ZFP1: variants seen among roughly 807,000 people sequenced by gnomAD.
ZFP1 encodes ZFP1 zinc finger protein, also known as zinc finger protein 1 homolog.
Under a neutral mutation model 38.5 loss-of-function variants are expected in ZFP1, and 32 were observed. That is an observed-to-expected ratio of 0.83 (90% CI 0.63 to 1.12). The LOEUF is 1.12. ZFP1 is among the 50% of genes most tolerant of loss of function. The pLI is 0.00. For synonymous variants in ZFP1, 245 were observed against 168.8 expected, an observed-to-expected ratio of 1.45 and a Z score of -3.50; for missense variants, 616 against 480.8, an observed-to-expected ratio of 1.28 and a Z score of -2.63.
intron 1 of ZFP1, among the ~76,000 whole-genome samples, chr16:75,149,776 A>G (rs894864251): frequency 2.0e-5 from 3 of 147,608 alleles, no homozygotes; most frequent in African/African-American, 7.5e-5. Flanking sequence ...TAACTACATC[A>G]CTCAAATTTT....
intron 1 of ZFP1, among the ~76,000 whole-genome samples, chr16:75,150,110 C>G (rs751966741): frequency 3.3e-5 from 5 of 151,788 alleles, no homozygotes; most frequent in Non-Finnish European, 7.4e-5. Context: ...CATTACCATT[C>G]AATTCAAATT....
rs2038412012 is a variant in ZFP1 at position 75,171,221 on chromosome 16, T to G, written c.*887T>G. On this transcript the variant is annotated 3_prime_UTR_variant, in exon 4 of 4. Coordinates refer to ENST00000570010, the MANE Select transcript of ZFP1 (RefSeq NM_153688.4). Reference sequence around the variant, plus strand: ...AACACAGACAGAAACCACCTGTTTTTGTCTTTCCTTGTTTCCCTTAATATT... The same window carrying G: ...AACACAGACAGAAACCACCTGTTTTGGTCTTTCCTTGTTTCCCTTAATATT... 1 of 152,260 alleles carries G rather than the reference T, an allele frequency of 6.6e-6. No individual in the cohort carries two copies. Among genetic ancestry groups the G allele is most frequent in the Non-Finnish European group, 1.5e-5 (1 of 68,040 alleles). The allele number at this position is 152,260 out of a possible 1,614,324, so 9.4% of individuals were successfully genotyped here. A position where few individuals can be genotyped will look rare whatever the true frequency, so the allele number is the denominator to read the frequency against.
At chr16:75,160,640 C>T (rs896577396) in intron 2 of ZFP1, among the ~76,000 whole-genome samples, 12 of 108,376 alleles carry the variant, frequency 1.1e-4, no homozygotes, top group African/African-American at 3.7e-4. Context: ...ATCTGGGTGA[C>T]AAAGCGAGAC....
chr16:75,168,940 G>A (rs142770746), intron 3 of ZFP1, among the ~76,000 whole-genome samples: 28 of 152,126 alleles, frequency 1.8e-4, no homozygotes, highest in African/African-American at 6.8e-4. Flanking sequence ...CCCTGGCATT[G>A]CCAGCCTTCT....
upstream of ZFP1, among the ~76,000 whole-genome samples, chr16:75,146,902 T>C (rs1232778996): frequency 1.6e-5 from 2 of 128,010 alleles, no homozygotes; most frequent in Non-Finnish European, 3.1e-5. Context: ...ATCGCACCAC[T>C]GCACTCCAAC....
chr16:75,166,247 T>G (rs1310145903), intron 2 of ZFP1, among the ~76,000 whole-genome samples: 2 of 152,212 alleles, frequency 1.3e-5, no homozygotes, highest in Admixed American at 1.3e-4. Context: ...ACAGTGTTTA[T>G]TTTTTGAGAC....
In ZFP1 at chr16:75,170,233, A is replaced by C; in HGVS notation, c.1123A>C (p.Thr375Pro). 6.2e-7 allele frequency: 1 copy of C among 1,614,198 alleles called. No homozygotes were observed. The highest frequency in any genetic ancestry group is 8.5e-7 in the Non-Finnish European group (1 of 1,180,020). ...TCTTAGATTACACTTGCGAATCCACACAGGAGAGAAACCATATGAGTGTTC... is the reference window on the plus strand; with the variant it reads ...TCTTAGATTACACTTGCGAATCCACCCAGGAGAGAAACCATATGAGTGTTC... Reference protein sequence around the residue: ...STLRLHLRIHTGEKPYECSEC... With the variant: ...STLRLHLRIHPGEKPYECSEC... The change falls in exon 4 of 4, where the codon ACA becomes CCA. Residue 375 changes from threonine to proline, a missense_variant. Physicochemically the swap from Thr to Pro is conservative, Grantham distance 38. Transcript: ENST00000570010.
At chr16:75,131,531 A>C in the ZFP1 span, among the ~76,000 whole-genome samples, 6 of 151,954 alleles carry the variant, frequency 3.9e-5, no homozygotes, top group African/African-American at 1.5e-4. Flanking sequence ...CTTCCCATCA[A>C]ATCGGGAGTG....
upstream of ZFP1, among the ~76,000 whole-genome samples, chr16:75,146,748 G>C (rs1208026210): frequency 6.6e-6 from 1 of 152,014 alleles, no homozygotes; most frequent in South Asian, 2.1e-4. Context: ...AGACGAGCCT[G>C]GGCAACATGG....
At chr16:75,161,875 C>G (rs2037808815) in intron 2 of ZFP1, among the ~76,000 whole-genome samples, 1 of 144,722 alleles carries the variant, frequency 6.9e-6, no homozygotes, top group Non-Finnish European at 1.5e-5. Flanking sequence ...CCCTCCACCT[C>G]CCAGGTTCAA....
At chr16:75,121,070 G>A in the ZFP1 span, among the ~76,000 whole-genome samples, 1 of 152,138 alleles carries the variant, frequency 6.6e-6, no homozygotes, top group African/African-American at 2.4e-5. Flanking sequence ...AGGATTCAGT[G>A]TGGGCTCTGC....
chr16:75,161,672 C>A (rs1007280984), intron 2 of ZFP1, among the ~76,000 whole-genome samples: 1 of 139,296 alleles, frequency 7.2e-6, no homozygotes, highest in Non-Finnish European at 1.5e-5. Context: ...AAATTTCCTT[C>A]GAATTTTTTT....
chr16:75,165,453 G>A (rs549750026), intron 2 of ZFP1, among the ~76,000 whole-genome samples: 1 of 151,920 alleles, frequency 6.6e-6, no homozygotes, highest in Admixed American at 6.6e-5. Flanking sequence ...CAAGTGCAGT[G>A]GGGCAGTCTG....
rs148978041 is a variant in ZFP1 at position 75,150,200 on chromosome 16, T to C, written c.-44+1557T>C. ...GCATAATTTCCAAGTTTTTGGAGAT[T>C]TTCCAGATCTTTTTTTTTTTTTTTT... On this transcript the variant is annotated intron_variant, in intron 1 of 3. Coordinates refer to ENST00000570010, the MANE Select transcript of ZFP1 (RefSeq NM_153688.4). Among the ~76,000 whole-genome samples the C allele has an allele frequency of 4.3e-4, 58 of 135,770 alleles. 1 individual carries two copies. Among genetic ancestry groups the C allele is most frequent in the African/African-American group, 1.5e-3 (56 of 36,240 alleles). 89.1% of individuals were successfully genotyped at this position (135,770 alleles called of 152,430 possible).
intron 2 of ZFP1, 103 bp from the exon 3 acceptor site, chr16:75,166,667 G>A (rs1038679065): frequency 1.3e-6 from 2 of 1,587,664 alleles, no homozygotes; most frequent in Non-Finnish European, 1.7e-6. Flanking sequence ...TGTATCGTTG[G>A]TGTAATATAT....
the ZFP1 span, among the ~76,000 whole-genome samples, chr16:75,121,284 C>G: frequency 2.6e-5 from 4 of 151,250 alleles, no homozygotes; most frequent in Non-Finnish European, 5.9e-5. Context: ...CACCACCACG[C>G]CCAGCTAATT....
chr16:75,157,346 C>A (rs574731789), intron 2 of ZFP1: 315 of 147,170 alleles, frequency 2.1e-3, no homozygotes, highest in Non-Finnish European at 3.7e-3. Context: ...AGGGTTCAAG[C>A]AATTCTCCCG....
chr16:75,130,817 C>CTT, the ZFP1 span, among the ~76,000 whole-genome samples: 4 of 143,242 alleles, frequency 2.8e-5, no homozygotes, highest in African/African-American at 7.6e-5. Flanking sequence ...CAGTTTGATT[C>CTT]TTTTTTTTTT....
chr16:75,161,157 T>G (rs1373001991), intron 2 of ZFP1, among the ~76,000 whole-genome samples: 2 of 152,112 alleles, frequency 1.3e-5, no homozygotes, highest in Non-Finnish European at 1.5e-5. Context: ...CACCTCCGCC[T>G]TCCGGGTTCA....
Sources: allele counts gnomAD v4.1 joint callset (sites outside exome capture counted in the v4.1 genomes callset), GRCh38; gene constraint gnomAD v4.1.1; transcripts MANE v1.5; gene names NCBI Gene and HGNC (gene_info 2026-07-23, HGNC 2026-07-21).